The following PIK3C2G variants were observed in gnomAD, a reference collection of about 807,000 sequenced individuals.
PIK3C2G encodes phosphatidylinositol-4-phosphate 3-kinase catalytic subunit type 2 gamma, also known as phosphatidylinositol 3-kinase C2 domain-containing subunit gamma.
Under a neutral mutation model 181.1 loss-of-function variants are expected in PIK3C2G, and 168 were observed. That is an observed-to-expected ratio of 0.93 (90% CI 0.82 to 1.05). The LOEUF (loss-of-function observed/expected upper bound fraction) is 1.05, where lower values mean the gene tolerates loss of function less well. Ranked by LOEUF, PIK3C2G falls within the 50% of genes least tolerant of loss-of-function variation. PIK3C2G has a pLI of 0.00. For synonymous variants in PIK3C2G, 573 were observed against 592.2 expected (o/e 0.97, Z 0.47); for missense variants, 1,869 against 1,732.8 (o/e 1.08, Z -1.40).
intron 14 of PIK3C2G, among the ~76,000 whole-genome samples, chr12:18,384,420 T>A (rs1020971025): frequency 6.6e-6 from 1 of 152,198 alleles, no homozygotes; most frequent in African/African-American, 2.4e-5. Context: ...TGTGTAAGTG[T>A]AGATATAAGT....
At chr12:18,545,389 T>G (rs1944369444) in intron 25 of PIK3C2G, among the ~76,000 whole-genome samples, 1 of 151,912 alleles carries the variant, frequency 6.6e-6, no homozygotes, top group Non-Finnish European at 1.5e-5. Context: ...TATTCTCACT[T>G]TACCCTTTGT....
the PIK3C2G span, chr12:18,705,047 T>C: frequency 8.0e-7 from 1 of 1,250,762 alleles, no homozygotes; most frequent in Non-Finnish European, 1.2e-6. Flanking sequence ...TAAACCTCTA[T>C]ACGTGATCAA....
At chr12:18,691,006 T>C in the PIK3C2G span, among the ~76,000 whole-genome samples, 1 of 152,192 alleles carries the variant, frequency 6.6e-6, no homozygotes, top group East Asian at 1.9e-4. Flanking sequence ...AGAATAGATA[T>C]GGAGGACTGA....
chr12:18,613,258 A>G (rs1948434509), intron 31 of PIK3C2G, among the ~76,000 whole-genome samples: 1 of 151,992 alleles, frequency 6.6e-6, no homozygotes, highest in East Asian at 1.9e-4. Context: ...GGTGCTAAAC[A>G]TAACCAATAG....
intron 18 of PIK3C2G, among the ~76,000 whole-genome samples, chr12:18,438,004 T>G (rs1565722500): frequency 6.6e-6 from 1 of 151,914 alleles, no homozygotes; most frequent in East Asian, 1.9e-4. Flanking sequence ...AAATAGAAAA[T>G]ATAAACAAGT....
intron 4 of PIK3C2G, 27 bp downstream of exon 4, chr12:18,291,039 A>T (rs748885449): frequency 1.3e-6 from 2 of 1,483,998 alleles, no homozygotes; most frequent in East Asian, 4.5e-5. Flanking sequence ...ATAAGTCTAC[A>T]AATCTATACA....
the PIK3C2G span, among the ~76,000 whole-genome samples, chr12:18,720,774 T>C: frequency 6.6e-6 from 1 of 151,956 alleles, no homozygotes; most frequent in African/African-American, 2.4e-5. Flanking sequence ...ACAAGAATGC[T>C]CACATTAGCA....
chr12:18,512,145 T>C (rs1565464369), intron 24 of PIK3C2G, among the ~76,000 whole-genome samples: 1 of 151,980 alleles, frequency 6.6e-6, no homozygotes, highest in Non-Finnish European at 1.5e-5. Context: ...TATTTCTGGG[T>C]TTTCTATCTT....
intron 18 of PIK3C2G, among the ~76,000 whole-genome samples, chr12:18,429,841 C>T (rs568465568): frequency 3.9e-5 from 6 of 152,298 alleles, no homozygotes; most frequent in Admixed American, 3.3e-4. Flanking sequence ...GCTGCTGCAC[C>T]CACTCCCATC....
At chr12:18,446,166 C>T (rs1056505056) in intron 18 of PIK3C2G, among the ~76,000 whole-genome samples, 5 of 152,146 alleles carry the variant, frequency 3.3e-5, no homozygotes, top group Non-Finnish European at 7.3e-5. Flanking sequence ...CAATCTGCCA[C>T]TTAATTATTT....
chr12:18,544,251 A>G (rs563005184), intron 25 of PIK3C2G, among the ~76,000 whole-genome samples: 85 of 151,972 alleles, frequency 5.6e-4, no homozygotes, highest in African/African-American at 1.8e-3. Context: ...TCTGTAGAAG[A>G]TGAGGCTGGA....
intron 11 of PIK3C2G, among the ~76,000 whole-genome samples, chr12:18,356,272 G>A (rs1358640723): frequency 1.3e-5 from 2 of 152,134 alleles, no homozygotes; most frequent in African/African-American, 4.8e-5. Context: ...CCGATGAAAC[G>A]GGATGGTTCC....
intron 29 of PIK3C2G, among the ~76,000 whole-genome samples, chr12:18,585,415 T>A (rs1349739768): frequency 6.7e-6 from 1 of 148,742 alleles, no homozygotes; most frequent in African/African-American, 2.5e-5. Flanking sequence ...AAACAGACAT[T>A]AAACCAACAA....
At chr12:18,537,121 C>T (rs766152473) in intron 24 of PIK3C2G, among the ~76,000 whole-genome samples, 5 of 152,034 alleles carry the variant, frequency 3.3e-5, no homozygotes, top group African/African-American at 9.7e-5. Context: ...TATAAATATC[C>T]ACACTACTGA....
chr12:18,580,741 C>G (rs1019288592), intron 29 of PIK3C2G, among the ~76,000 whole-genome samples: 7 of 152,162 alleles, frequency 4.6e-5, no homozygotes, highest in African/African-American at 1.7e-4. Context: ...GACATTCTGA[C>G]ACACTGCTTT....
At chr12:18,356,765 G>A (rs1301344852) in intron 11 of PIK3C2G, among the ~76,000 whole-genome samples, 2 of 151,672 alleles carry the variant, frequency 1.3e-5, no homozygotes, top group Non-Finnish European at 2.9e-5. Context: ...CTGTCAAGCC[G>A]CCCCTCTGAA....
At chr12:18,496,259 A>G (rs929815127) in intron 21 of PIK3C2G, 105 bp downstream of exon 21, 5 of 704,944 alleles carry the variant, frequency 7.1e-6, no homozygotes, top group Non-Finnish European at 9.4e-6. Flanking sequence ...GCAACAACAC[A>G]TAGGTTTTTC....
chr12:18,317,346 T>C (rs1950913503), intron 6 of PIK3C2G, among the ~76,000 whole-genome samples: 1 of 152,050 alleles, frequency 6.6e-6, no homozygotes, highest in African/African-American at 2.4e-5. Context: ...TTTTTTCGCA[T>C]TACATTTCAA....
At chr12:18,391,721 G>A (rs981070783) in intron 15 of PIK3C2G, among the ~76,000 whole-genome samples, 13 of 152,198 alleles carry the variant, frequency 8.5e-5, no homozygotes, top group Middle Eastern at 3.4e-3. Flanking sequence ...TCTTTGAATA[G>A]AACCAAAATC....
Sources: gnomAD v4.1 joint callset for allele counts (sites outside exome capture counted in the v4.1 genomes callset) on GRCh38, gnomAD v4.1.1 for gene constraint, MANE v1.5 for transcripts, NCBI Gene and HGNC (gene_info 2026-07-23, HGNC 2026-07-21) for gene names.